The following SLFN12L variants were observed in gnomAD, a reference collection of about 807,000 sequenced individuals.
SLFN12L encodes the protein schlafen family member 12-like.
Under a neutral mutation model 34.8 loss-of-function variants are expected in SLFN12L, and 34 were observed. The ratio of observed to expected loss-of-function variants is 0.98; its 90% CI spans 0.74 to 1.30. The LOEUF is 1.30. Ranked by LOEUF, SLFN12L falls within the 50% of genes most tolerant of loss-of-function variation. The pLI, the probability that SLFN12L is intolerant of heterozygous loss-of-function variation, is 0.00. For synonymous variants in SLFN12L, 259 were observed against 247.5 expected (o/e 1.05, Z -0.44); for missense variants, 703 against 696.2 (o/e 1.01, Z -0.11).
rs896859228 is a variant in SLFN12L at position 35,522,489 on chromosome 17, T to C, written c.-125A>G. ...GGCTGTGAGCAGATTTAAAACCTCA[T>C]AGCTGCACAGGTCACTCAAGAGAGA... On this transcript the variant is annotated 5_prime_UTR_variant, in exon 2 of 5. It removes an upstream start codon present in the reference 5' UTR. Transcript: ENST00000628453. The C allele has an allele frequency of 1.9e-5, 30 of 1,613,290 alleles. No homozygotes were observed. Among genetic ancestry groups the C allele is most frequent in the Middle Eastern group, 1.6e-4 (1 of 6,076 alleles).
At chr17:35,504,271 C>T (rs911519336) in intron 2 of SLFN12L, among the ~76,000 whole-genome samples, 27 of 152,162 alleles carry the variant, frequency 1.8e-4, no homozygotes, top group African/African-American at 6.0e-4. Flanking sequence ...AATCAGGAGT[C>T]TTGCCCCCCA....
intron 1 of SLFN12L, among the ~76,000 whole-genome samples, chr17:35,526,823 T>A (rs1018789552): frequency 1.3e-5 from 2 of 150,166 alleles, no homozygotes; most frequent in Admixed American, 1.3e-4. Context: ...GCAAACAAAT[T>A]CAAAAGCTAG....
chr17:35,495,681 A>G (rs984069773), intron 2 of SLFN12L, among the ~76,000 whole-genome samples: 6 of 25,046 alleles, frequency 2.4e-4, no homozygotes, highest in Non-Finnish European at 4.2e-4. Context: ...ACCCCACCCC[A>G]CCCCCACCAG....
chr17:35,530,488 GAAAGAA>G (rs2072394481), intron 1 of SLFN12L, among the ~76,000 whole-genome samples: 1 of 48,798 alleles, frequency 2.0e-5, no homozygotes, highest in Non-Finnish European at 4.8e-5. Flanking sequence ...AAGAAAGAAA[GAAAGAA>G]AGAAAGAAAG....
chr17:35,530,993 T>C (rs2072406275), intron 1 of SLFN12L, among the ~76,000 whole-genome samples: 2 of 152,054 alleles, frequency 1.3e-5, no homozygotes, highest in Non-Finnish European at 2.9e-5. Context: ...CTTAAACATA[T>C]GTGAAGAAAA....
chr17:35,494,651 C>T (rs1243756204), intron 2 of SLFN12L, among the ~76,000 whole-genome samples: 1 of 152,098 alleles, frequency 6.6e-6, no homozygotes, highest in Non-Finnish European at 1.5e-5. Context: ...ACCAATGGGA[C>T]AGCAGAGAGG....
At chr17:35,529,530 T>A (rs1286894674) in intron 1 of SLFN12L, among the ~76,000 whole-genome samples, 1 of 152,032 alleles carries the variant, frequency 6.6e-6, no homozygotes, top group Non-Finnish European at 1.5e-5. Context: ...AAAGGATGAG[T>A]GCATTGCTTT....
intron 2 of SLFN12L, chr17:35,490,463 A>G: frequency 9.9e-7 from 1 of 1,012,642 alleles, no homozygotes; most frequent in Non-Finnish European, 1.6e-6. Context: ...AAAGTGCAAA[A>G]TAGAAGGATT....
chr17:35,508,556 G>A (rs1378002579), intron 2 of SLFN12L, among the ~76,000 whole-genome samples: 4 of 152,138 alleles, frequency 2.6e-5, no homozygotes, highest in Non-Finnish European at 2.9e-5. Context: ...CACCGTGTTA[G>A]CCAGGATGGT....
Position 35,490,085 on chromosome 17 carries a change from C to A in SLFN12L, c.87-9890G>T. 1.9e-6 allele frequency: 3 copies of A among 1,607,134 alleles called. No homozygotes were observed. In the East Asian group the frequency reaches 6.7e-5, roughly 36 times the overall value. The stretch of plus-strand genomic sequence containing the variant: ...AAGCGGCGCCGTAGCCACCGGCCCC[C>A]TCCTCCCCAGTGCCCCAGGCGCGGA... On this transcript the variant is annotated intron_variant, in intron 2 of 4. Coordinates refer to ENST00000628453, the MANE Select transcript of SLFN12L (RefSeq NM_001363830.2).
At chr17:35,513,741 G>A (rs34254270) in intron 2 of SLFN12L, among the ~76,000 whole-genome samples, 21,046 of 152,252 alleles carry the variant, frequency 0.14, 1,907 homozygotes, top group South Asian at 0.29. Flanking sequence ...GTAGGACTTA[G>A]GAGGTACATT....
At chr17:35,516,260 G>A (rs1281648433) in intron 2 of SLFN12L, among the ~76,000 whole-genome samples, 1 of 152,128 alleles carries the variant, frequency 6.6e-6, no homozygotes, top group East Asian at 1.9e-4. Flanking sequence ...GTCCCTACTA[G>A]GGGCATGGAA....
At chr17:35,498,165 G>T in intron 2 of SLFN12L, 2 of 655,908 alleles carry the variant, frequency 3.0e-6, no homozygotes, top group South Asian at 1.7e-5. Context: ...GAAGCATCTC[G>T]ATCCGGGAGG....
chr17:35,534,626 C>A, intron 1 of SLFN12L, among the ~76,000 whole-genome samples: 1 of 151,136 alleles, frequency 6.6e-6, no homozygotes, highest in East Asian at 1.9e-4. Context: ...AGCCGAGGGA[C>A]CTGGCAATTG....
chr17:35,507,663 C>T (rs1406679954), intron 2 of SLFN12L, among the ~76,000 whole-genome samples: 1 of 152,184 alleles, frequency 6.6e-6, no homozygotes, highest in East Asian at 1.9e-4. Context: ...GTTCCCAGTG[C>T]TAAGAAGATT....
intron 2 of SLFN12L, chr17:35,491,026 C>T (rs1232793257): frequency 5.1e-6 from 4 of 788,332 alleles, no homozygotes; most frequent in Non-Finnish European, 9.4e-6. Context: ...CCCCAGCCAA[C>T]CTCTTACAGC....
rs1255758769 is a variant in SLFN12L, at chr17:35,470,071, T to A, written c.*4852A>T. 2 of 152,264 alleles carry A rather than the reference T, an allele frequency of 1.3e-5. No homozygotes were observed. Among genetic ancestry groups the A allele is most frequent in the African/African-American group, 2.4e-5 (1 of 41,460 alleles). 9.4% of individuals were successfully genotyped at this position (152,264 alleles called of 1,614,324 possible). On this transcript the variant is annotated 3_prime_UTR_variant, in exon 5 of 5. Transcript: ENST00000628453. ...GTCTTTTTTCAATGGCGCTAGTCCA[T>A]CTGTGTTGACACTCAGTCACCTCCA...
At chr17:35,530,410 GAA>G (rs1567693515) in intron 1 of SLFN12L, among the ~76,000 whole-genome samples, 728 of 12,290 alleles carry the variant, frequency 0.059, 132 homozygotes, top group East Asian at 0.55. Context: ...AGGAAGGAAG[GAA>G]GGAAGGAAGG....
At chr17:35,492,968 AAC>A (rs745926001) in intron 2 of SLFN12L, among the ~76,000 whole-genome samples, 84 of 68,448 alleles carry the variant, frequency 1.2e-3, no homozygotes, top group Admixed American at 3.6e-3. Context: ...GGAAAAAAAA[AAC>A]ACACACACAC....
Sources: gnomAD v4.1 joint callset for allele counts (sites outside exome capture counted in the v4.1 genomes callset) on GRCh38, gnomAD v4.1.1 for gene constraint, MANE v1.5 for transcripts, NCBI Gene and HGNC (gene_info 2026-07-23, HGNC 2026-07-21) for gene names.